The following MLLT3 variants were observed in gnomAD, a reference collection of about 807,000 sequenced individuals.
The protein encoded by MLLT3 is MLLT3 super elongation complex subunit, also known as protein AF-9.
Under a neutral mutation model 53.2 loss-of-function variants are expected in MLLT3, and 4 were observed. The observed-to-expected ratio is 0.08, with a 90% CI of 0.04 to 0.17. The LOEUF is 0.17. Among genes scored for constraint, MLLT3 ranks in the 10% least tolerant of loss-of-function variants. MLLT3 has a pLI of 1.00. For missense variants in MLLT3, 569 were observed against 684.0 expected (o/e 0.83, Z 1.87); for synonymous variants, 283 against 230.6 (o/e 1.23, Z -2.06).
At chr9:20,486,426 G>C (rs1824814819) in intron 2 of MLLT3, among the ~76,000 whole-genome samples, 1 of 152,072 alleles carries the variant, frequency 6.6e-6, no homozygotes, top group Non-Finnish European at 1.5e-5. Flanking sequence ...CATGATCTTA[G>C]ACTGAAATGG....
intron 4 of MLLT3, among the ~76,000 whole-genome samples, chr9:20,426,292 A>G (rs35880559): frequency 6.6e-6 from 1 of 152,112 alleles, no homozygotes; most frequent in African/African-American, 2.4e-5. Flanking sequence ...TTAGCTTTGT[A>G]CAGTTCCTGC....
At chr9:20,615,223 C>T (rs563386523) in intron 2 of MLLT3, among the ~76,000 whole-genome samples, 19 of 151,796 alleles carry the variant, frequency 1.3e-4, no homozygotes, top group Non-Finnish European at 2.6e-4. Context: ...TGGTGGTCCA[C>T]GCCTATAGTC....
chr9:20,456,734 A>G lies in MLLT3; in HGVS notation c.246T>C (p.Ile82=). ...TTTTAAAATAAACTTCAATTGGCAA[A>G]ATGAAACCAGCATACCCAGATTCTT... ...KVEESGYAGF[I]LPIEVYFKNK... Residue 82 remains isoleucine, a synonymous_variant, in exon 3 of 11, where the codon ATT becomes ATC. Coordinates refer to ENST00000380338, the MANE Select transcript of MLLT3 (RefSeq NM_004529.4). 6.2e-7 allele frequency: 1 copy of G among 1,608,276 alleles called. No homozygotes were observed. The highest frequency in any genetic ancestry group is 8.5e-7 in the Non-Finnish European group (1 of 1,178,426).
In MLLT3 at chr9:20,448,012, C is replaced by T; in HGVS notation, c.420+111G>A. The T allele has an allele frequency of 3.4e-6, 4 of 1,192,136 alleles. No homozygotes were observed. Among genetic ancestry groups the T allele is most frequent in the Non-Finnish European group, 4.7e-6 (4 of 855,270 alleles). The allele number at this position is 1,192,136 out of a possible 1,614,324, so 73.8% of individuals were successfully genotyped here. On this transcript the variant is annotated intron_variant, in intron 4 of 10. Coordinates refer to ENST00000380338, the MANE Select transcript of MLLT3 (RefSeq NM_004529.4). This position sits in a 1 kb window ranked among gnomAD's most constrained non-coding sequence, Gnocchi z 4.0. ...CATTAAGGTACATCATTTCTTTTAC[C>T]TCTCCCAAAACCTTATACTTTTTAA...
At chr9:20,415,853 T>C (rs1822857893) in intron 4 of MLLT3, among the ~76,000 whole-genome samples, 1 of 152,028 alleles carries the variant, frequency 6.6e-6, no homozygotes. Context: ...TCTATATTAG[T>C]AGAAATATAT....
At chr9:20,387,742 T>C (rs1411137697) in intron 5 of MLLT3, among the ~76,000 whole-genome samples, 2 of 152,230 alleles carry the variant, frequency 1.3e-5, no homozygotes, top group African/African-American at 2.4e-5. Flanking sequence ...GATAGTTCCT[T>C]TGATATGGCA....
chr9:20,607,716 G>C (rs1229936143), intron 2 of MLLT3, among the ~76,000 whole-genome samples: 1 of 151,952 alleles, frequency 6.6e-6, no homozygotes, highest in Non-Finnish European at 1.5e-5. Flanking sequence ...CTATGCATTA[G>C]TGCACAGTAC....
chr9:20,356,360 G>A (rs1025388472), intron 8 of MLLT3, among the ~76,000 whole-genome samples: 10 of 152,146 alleles, frequency 6.6e-5, no homozygotes, highest in Admixed American at 2.0e-4. Flanking sequence ...CAAGGCAATC[G>A]TTTTTAACAT....
intron 5 of MLLT3, among the ~76,000 whole-genome samples, chr9:20,379,543 G>A (rs1348189151): frequency 6.6e-6 from 1 of 151,964 alleles, no homozygotes; most frequent in East Asian, 1.9e-4. Flanking sequence ...TATTGTGCAG[G>A]AATAACAAAA....
chr9:20,375,820 G>A (rs935509488), intron 5 of MLLT3, among the ~76,000 whole-genome samples: 2 of 151,892 alleles, frequency 1.3e-5, no homozygotes, highest in African/African-American at 2.4e-5. Flanking sequence ...GTGTTAGCCA[G>A]GATGGTCTCC....
chr9:20,431,377 T>C (rs908095014), intron 4 of MLLT3, among the ~76,000 whole-genome samples: 3 of 152,230 alleles, frequency 2.0e-5, no homozygotes, highest in South Asian at 2.1e-4. Flanking sequence ...TCATGTACCC[T>C]AGAGTTTGGG....
intron 2 of MLLT3, among the ~76,000 whole-genome samples, chr9:20,589,919 C>T (rs1315320770): frequency 6.6e-6 from 1 of 152,062 alleles, no homozygotes; most frequent in Non-Finnish European, 1.5e-5. Flanking sequence ...CCATCTTGGC[C>T]AGGCTGGCCT....
At chr9:20,498,260 A>AAAAAAAAAAAG in intron 2 of MLLT3, among the ~76,000 whole-genome samples, 1 of 146,042 alleles carries the variant, frequency 6.8e-6, no homozygotes, top group African/African-American at 2.6e-5. Flanking sequence ...AAAAAAAAAA[A>AAAAAAAAAAAG]AAAAAAGTTC....
At chr9:20,434,783 C>G (rs1345694440) in intron 4 of MLLT3, among the ~76,000 whole-genome samples, 1 of 152,080 alleles carries the variant, frequency 6.6e-6, no homozygotes. Flanking sequence ...AAACAAAAAA[C>G]AAGCATAATC....
chr9:20,596,006 G>A (rs1431517994), intron 2 of MLLT3, among the ~76,000 whole-genome samples: 1 of 152,170 alleles, frequency 6.6e-6, no homozygotes, highest in African/African-American at 2.4e-5. Context: ...CATATGTCTA[G>A]TGGCTATTGT....
At chr9:20,533,340 A>G (rs900093470) in intron 2 of MLLT3, 1 of 253,480 alleles carries the variant, frequency 3.9e-6, no homozygotes, top group Non-Finnish European at 8.3e-6. Flanking sequence ...ACTGGGTTAA[A>G]TGTACACTGT....
intron 5 of MLLT3, among the ~76,000 whole-genome samples, chr9:20,372,549 G>A (rs1053275166): frequency 5.0e-5 from 7 of 139,116 alleles, no homozygotes; most frequent in South Asian, 2.4e-4. Flanking sequence ...CACCACGCCC[G>A]GCTAATTTTT....
intron 2 of MLLT3, among the ~76,000 whole-genome samples, chr9:20,556,115 GAATAA>G: frequency 6.6e-6 from 1 of 151,982 alleles, no homozygotes; most frequent in Admixed American, 6.6e-5. Context: ...AATTTATAAA[GAATAA>G]AACACCTGTA....
chr9:20,462,090 C>T (rs1824123542), intron 2 of MLLT3, among the ~76,000 whole-genome samples: 1 of 152,176 alleles, frequency 6.6e-6, no homozygotes, highest in Admixed American at 6.5e-5. Context: ...AGTCTAGAGC[C>T]AGCGTCTGAA....
Sources: allele counts gnomAD v4.1 joint callset (sites outside exome capture counted in the v4.1 genomes callset), GRCh38; gene constraint gnomAD v4.1.1; non-coding constraint Gnocchi (gnomAD v3.1); transcripts MANE v1.5; gene names NCBI Gene and HGNC (gene_info 2026-07-23, HGNC 2026-07-21).